The following TSC2 variants were observed in gnomAD, a reference collection of about 807,000 sequenced individuals.
TSC2 encodes the protein tuberin.
Under a neutral mutation model 202.2 loss-of-function variants are expected in TSC2, and 29 were observed. That is an observed-to-expected ratio of 0.14 (90% CI 0.11 to 0.20). The LOEUF is 0.20. TSC2 is among the 10% of genes least tolerant of loss of function. TSC2 has a pLI of 1.00. For missense variants in TSC2, 2,429 were observed against 2,420.0 expected (o/e 1.00, Z -0.08); for synonymous variants, 1,349 against 1,044.0 (o/e 1.29, Z -5.63).
In TSC2 at chr16:2,049,020, T is replaced by C. The variant is rs568054891; in HGVS notation, c.138+267T>C. On this transcript the variant is annotated intron_variant, in intron 2 of 41. Coordinates refer to ENST00000219476, the MANE Select transcript of TSC2 (RefSeq NM_000548.5). ...TAGATGAGGCCTGAGTATCATCATC[T>C]TCACAGGTAAGGATATGTCCAGGTG... 2.6e-5 allele frequency among the ~76,000 whole-genome samples: 4 copies of C among 152,316 alleles called. No individual in the cohort carries two copies. In the South Asian group the frequency reaches 8.3e-4, roughly 32 times the overall value.
At chr16:2,080,553 G>A (rs1178993277) in intron 30 of TSC2, 176 bp downstream of exon 30, 16 of 719,258 alleles carry the variant, frequency 2.2e-5, no homozygotes, top group East Asian at 5.5e-5. Flanking sequence ...GCGCAATCTC[G>A]GCTCACTGCA....
intron 41 of TSC2, 36 bp downstream of exon 41, chr16:2,088,361 G>A (rs2151634675): frequency 3.1e-6 from 5 of 1,612,190 alleles, no homozygotes; most frequent in Non-Finnish European, 3.4e-6. Context: ...GGGGTGTGCT[G>A]GCTGCCCAAG....
chr16:2,063,256 A>C, intron 14 of TSC2: 1 of 667,686 alleles, frequency 1.5e-6, no homozygotes, highest in South Asian at 1.7e-5. Flanking sequence ...AGGCCTTGAC[A>C]CGTGGCCAAG....
chr16:2,071,605 C>T lies in TSC2; in HGVS notation c.1935C>T (p.Val645=), dbSNP rs1596342693. Residue 645 remains valine (V), a synonymous_variant, in exon 18 of 42, where the codon GTC becomes GTT. Coordinates refer to ENST00000219476, the MANE Select transcript of TSC2 (RefSeq NM_000548.5). The stretch of plus-strand genomic sequence containing the variant: ...TCGTGCGGTTCAGCCCCTACTGCGT[C>T]TGCGACTACATGTACGCGGGACCTC... ...DGVVRFSPYC[V]CDYMEPERGS... The T allele has an allele frequency of 6.2e-7, 1 of 1,613,444 alleles. No individual in the cohort carries two copies.
chr16:2,071,677 G>T (rs2088427086), intron 18 of TSC2, 61 bp downstream of exon 18: 30 of 1,606,600 alleles, frequency 1.9e-5, no homozygotes, highest in Non-Finnish European at 2.4e-5. Flanking sequence ...TGGGGCTGTG[G>T]TGGCGCTGTT....
At chr16:2,068,841 C>G (rs1221006716) in intron 16 of TSC2, 1 of 135,602 alleles carries the variant, frequency 7.4e-6, no homozygotes, top group Non-Finnish European at 1.5e-5. Context: ...CCATAGCACT[C>G]CAGCCTGGGC....
At chr16:2,060,519 G>A (rs1418459326) in intron 10 of TSC2, 151 bp from the exon 11 acceptor site, 33 of 1,310,134 alleles carry the variant, frequency 2.5e-5, no homozygotes, top group Non-Finnish European at 2.7e-5. Flanking sequence ...CCTCCTGGGC[G>A]CCCCACCTGC....
At chr16:2,073,889 C>T (rs1412327304) in intron 21 of TSC2, among the ~76,000 whole-genome samples, 1 of 152,266 alleles carries the variant, frequency 6.6e-6, no homozygotes, top group African/African-American at 2.4e-5. Flanking sequence ...GATCTGGTGG[C>T]TTGGCCACTT....
At chr16:2,085,439 A>G in intron 36 of TSC2, 117 bp downstream of exon 36, 1 of 1,121,268 alleles carries the variant, frequency 8.9e-7, no homozygotes. Flanking sequence ...CGGGTCCCCT[A>G]CAGCATGAAG....
intron 34 of TSC2, 38 bp downstream of exon 34, chr16:2,084,753 C>G (rs757875384): frequency 2.9e-5 from 46 of 1,598,290 alleles, no homozygotes; most frequent in African/African-American, 6.7e-5. Context: ...CCTGACACCT[C>G]TCCTGCGGGA....
chr16:2,078,641 C>T (rs1429835850), intron 26 of TSC2: 3 of 348,114 alleles, frequency 8.6e-6, no homozygotes, highest in Non-Finnish European at 1.7e-5. Context: ...GGATCCCAGA[C>T]CTCTGTGTGC....
At chr16:2,064,754 G>A (rs1260257791) in intron 15 of TSC2, 3 of 441,594 alleles carry the variant, frequency 6.8e-6, no homozygotes, top group Non-Finnish European at 1.3e-5. Flanking sequence ...TTTGCTCTTT[G>A]ATTTTCAGAT....
At chr16:2,063,845 A>G (rs866313126) in intron 14 of TSC2, 9 of 327,846 alleles carry the variant, frequency 2.7e-5, no homozygotes, top group South Asian at 2.1e-4. Context: ...TGTCCTCAGC[A>G]CAGCACGCAC....
chr16:2,048,855 G>A (rs2084710467), intron 2 of TSC2, 102 bp downstream of exon 2: 4 of 1,521,768 alleles, frequency 2.6e-6, no homozygotes, highest in African/African-American at 1.4e-5. Flanking sequence ...GCTGGCAACT[G>A]TCTACACAGG....
In TSC2 at chr16:2,086,712, C is replaced by G. The variant is rs1269327182; in HGVS notation, c.4850-20C>G. 1.9e-6 allele frequency: 3 copies of G among 1,608,104 alleles called. No individual in the cohort carries two copies. The highest frequency in any genetic ancestry group is 2.5e-6 in the Non-Finnish European group (3 of 1,179,904). ...CTCAGCACTGGCCCCACAAACCCAT[C>G]CGGCCCTGCTCACCCTCAGCCGTCT... On this transcript the variant is annotated intron_variant, in intron 37 of 41. Transcript: ENST00000219476.
chr16:2,070,518 C>T lies in TSC2; in HGVS notation c.1779C>T (p.His593=), dbSNP rs771078126. Residue 593 remains histidine (H), a synonymous_variant, in exon 17 of 42, where the codon CAC becomes CAT. Transcript: ENST00000219476. ...ATRVYEMLVS[H]IQLHYKHSYT... ...GTGTGTATGAGATGCTGGTCAGCCA[C>T]ATTCAGCTCCACTACAAGCACAGCT... 3 of 1,613,406 alleles carry T rather than the reference C, an allele frequency of 1.9e-6. No homozygotes were observed. Among genetic ancestry groups the T allele is most frequent in the Non-Finnish European group, 2.5e-6 (3 of 1,180,040 alleles).
intron 26 of TSC2, 136 bp from the exon 27 acceptor site, chr16:2,078,895 TG>T: frequency 8.7e-7 from 1 of 1,153,380 alleles, no homozygotes; most frequent in Non-Finnish European, 1.3e-6. Flanking sequence ...TGAGGCTCGC[TG>T]GGCCGCCCAC....
rs190961639 is a variant in TSC2 at position 2,082,171 on chromosome 16, G to A, written c.3815-265G>A. The A allele has an allele frequency of 2.3e-5, 14 of 597,526 alleles. No individual in the cohort carries two copies. In the Admixed American group the frequency reaches 2.4e-4, roughly 10 times the overall value. 37.0% of individuals were successfully genotyped at this position (597,526 alleles called of 1,614,324 possible). ...CTGGGCCCCCACCCCACTCGGCACC[G>A]TGCTTCTCGCCAGGCCCTCTGGCTC... On this transcript the variant is annotated intron_variant, in intron 31 of 41. Transcript: ENST00000219476.
chr16:2,080,696 G>C (rs551459578), intron 30 of TSC2: 13 of 347,370 alleles, frequency 3.7e-5, no homozygotes, highest in Non-Finnish European at 4.4e-5. Context: ...GTGTTAGCCA[G>C]GATGGTCTCA....
Sources: allele counts gnomAD v4.1 joint callset (sites outside exome capture counted in the v4.1 genomes callset), GRCh38; gene constraint gnomAD v4.1.1; transcripts MANE v1.5; gene names NCBI Gene and HGNC (gene_info 2026-07-23, HGNC 2026-07-21).